MBD3L1: variants seen among roughly 807,000 people sequenced by gnomAD.
The protein encoded by MBD3L1 is methyl-CpG-binding domain protein 3-like 1.
For synonymous variants in MBD3L1, 84 were observed against 85.1 expected, an observed-to-expected ratio of 0.99 and a Z score of 0.07; for missense variants, 203 against 230.1, an observed-to-expected ratio of 0.88 and a Z score of 0.76.
chr19:8,839,185 C>CTTTTTTTTTTTTT (rs57499698), intron 1 of MBD3L1, among the ~76,000 whole-genome samples: 2 of 122,128 alleles, frequency 1.6e-5, no homozygotes, highest in Non-Finnish European at 3.2e-5. Context: ...CTTTTCTTTT[C>CTTTTTTTTTTTTT]TTTTTTTTTT....
chr19:8,843,194 G>GA lies in MBD3L1; in HGVS notation c.517dup (p.Ile173AsnfsTer7). 6.2e-7 allele frequency: 1 copy of GA among 1,613,026 alleles called. No individual in the cohort carries two copies. The highest frequency in any genetic ancestry group is 8.5e-7 in the Non-Finnish European group (1 of 1,179,580). ...TCAGAGAGAGACTCGCAATAGCACT[G>GA]ATTGCGGATGGACTCGCTAATGAGG... On this transcript the variant is annotated frameshift_variant, in exon 3 of 3. Coordinates refer to ENST00000595891, the MANE Select transcript of MBD3L1 (RefSeq NM_001393532.1). LOFTEE classifies it low-confidence loss of function (END_TRUNC).
intron 2 of MBD3L1, among the ~76,000 whole-genome samples, chr19:8,842,055 C>G (rs1316974422): frequency 1.3e-5 from 2 of 151,576 alleles, no homozygotes; most frequent in Non-Finnish European, 2.9e-5. Context: ...GGGCTGGGCA[C>G]GGTCGCCCAT....
At chr19:8,834,378 G>A (rs1355813791) in intron 1 of MBD3L1, among the ~76,000 whole-genome samples, 2 of 152,138 alleles carry the variant, frequency 1.3e-5, no homozygotes, top group Non-Finnish European at 2.9e-5. Flanking sequence ...GGGAGGCTGA[G>A]GCAGGCAGAT....
intron 1 of MBD3L1, among the ~76,000 whole-genome samples, chr19:8,836,684 G>T (rs2044459513): frequency 6.6e-6 from 1 of 152,044 alleles, no homozygotes; most frequent in African/African-American, 2.4e-5. Flanking sequence ...TAGAGACAGG[G>T]ACTCGCCACA....
rs781297313 is a variant in MBD3L1 at position 8,842,752 on chromosome 19, C to G, written c.74C>G (p.Ser25Ter). Residue 25 changes from serine (S) to a stop codon, truncating the protein, a stop_gained, in exon 3 of 3, where the codon TCA becomes TGA. Coordinates refer to ENST00000595891, the MANE Select transcript of MBD3L1 (RefSeq NM_001393532.1). LOFTEE classifies it low-confidence loss of function (END_TRUNC). ...AAATCAAAGCCTGGCTTGAGCACCT[C>G]AATCCCTTTGAGAATGTCCAGTTAC... ...QCKSKPGLST[S>*]IPLRMSSYTF... 1 of 1,614,214 alleles carries G rather than the reference C, an allele frequency of 6.2e-7. No individual in the cohort carries two copies. Among genetic ancestry groups the G allele is most frequent in the South Asian group, 1.1e-5 (1 of 91,078 alleles).
chr19:8,838,301 T>TCACCTTC (rs2044476778), intron 1 of MBD3L1, among the ~76,000 whole-genome samples: 1 of 114,774 alleles, frequency 8.7e-6, no homozygotes, highest in Non-Finnish European at 1.8e-5. Context: ...AGCCCCACTA[T>TCACCTTC]CACCTTCCTC....
At chr19:8,834,615 AAC>A (rs1240457205) in intron 1 of MBD3L1, among the ~76,000 whole-genome samples, 8 of 150,658 alleles carry the variant, frequency 5.3e-5, no homozygotes, top group Non-Finnish European at 7.4e-5. Flanking sequence ...AAAAAAAAAA[AAC>A]AAACCAAAAC....
intron 1 of MBD3L1, among the ~76,000 whole-genome samples, chr19:8,835,348 A>G (rs934513460): frequency 1.2e-4 from 19 of 152,288 alleles, no homozygotes; most frequent in African/African-American, 4.3e-4. Flanking sequence ...CACTGCACCC[A>G]GCCTGAAAAA....
At position 8,840,206 on chromosome 19, in the gene MBD3L1, C is replaced by A. The variant is rs924261029; in HGVS notation, c.-106-709C>A. On this transcript the variant is annotated intron_variant, in intron 1 of 2. Transcript: ENST00000595891. ...CTCAAAAAAAAAAAAAAAACAAAAA[C>A]AGATGATACAAAGGTTACATTGCAA... 8.9e-4 allele frequency among the ~76,000 whole-genome samples: 130 copies of A among 145,750 alleles called. 3 individuals carry two copies. In the East Asian group the frequency reaches 0.013, roughly 14 times the overall value.
intron 1 of MBD3L1, among the ~76,000 whole-genome samples, chr19:8,839,980 G>A (rs903423452): frequency 6.6e-6 from 1 of 152,070 alleles, no homozygotes; most frequent in African/African-American, 2.4e-5. Context: ...TCAGGAGTTC[G>A]AGGCCACTCT....
At position 8,836,469 on chromosome 19, in the gene MBD3L1, C is replaced by T. The variant is rs1036199264; in HGVS notation, c.-107+3947C>T. 2.7e-5 allele frequency among the ~76,000 whole-genome samples: 4 copies of T among 150,480 alleles called. No homozygotes were observed. In the Admixed American group the frequency reaches 2.7e-4, roughly 10 times the overall value. ...TCTCTTCCTTTTCCTCCTCCTCCCC[C>T]CCTCTCCTCCTCCTTCTTTCTTCTT... On this transcript the variant is annotated intron_variant, in intron 1 of 2. Coordinates refer to ENST00000595891, the MANE Select transcript of MBD3L1 (RefSeq NM_001393532.1).
At chr19:8,833,763 C>T (rs1219863147) in intron 1 of MBD3L1, among the ~76,000 whole-genome samples, 2 of 152,126 alleles carry the variant, frequency 1.3e-5, no homozygotes, top group Admixed American at 1.3e-4. Context: ...CCGAGGCAGG[C>T]AGATCACCTG....
intron 1 of MBD3L1, chr19:8,833,684 T>G (rs2044415656): frequency 6.6e-6 from 1 of 152,240 alleles, no homozygotes; most frequent in Admixed American, 6.6e-5. Flanking sequence ...GGTGGGTTGG[T>G]GCGTTAGATA....
chr19:8,834,501 G>A (rs1269110162), intron 1 of MBD3L1, among the ~76,000 whole-genome samples: 7 of 151,636 alleles, frequency 4.6e-5, no homozygotes, highest in Non-Finnish European at 1.0e-4. Flanking sequence ...CCAGCTACTC[G>A]GGAGACTGAG....
intron 1 of MBD3L1, among the ~76,000 whole-genome samples, chr19:8,835,483 A>G (rs1261824986): frequency 3.9e-5 from 6 of 152,202 alleles, no homozygotes; most frequent in Admixed American, 6.5e-5. Context: ...ATAAAATACT[A>G]CTTCACACCC....
chr19:8,841,347 T>C (rs1349535461), intron 2 of MBD3L1, among the ~76,000 whole-genome samples: 5 of 151,850 alleles, frequency 3.3e-5, no homozygotes, highest in Non-Finnish European at 7.4e-5. Flanking sequence ...AGGGAAATAT[T>C]GAGGTCGCAG....
At chr19:8,841,535 A>G (rs537971259) in intron 2 of MBD3L1, among the ~76,000 whole-genome samples, 1 of 152,266 alleles carries the variant, frequency 6.6e-6, no homozygotes, top group South Asian at 2.1e-4. Flanking sequence ...AGAAATTTAT[A>G]GTGGGTGAAT....
Position 8,840,951 on chromosome 19 carries a change from A to G in MBD3L1, c.-70A>G, listed in dbSNP as rs1238427614. On this transcript the variant is annotated 5_prime_UTR_variant, in exon 2 of 3. Coordinates refer to ENST00000595891, the MANE Select transcript of MBD3L1 (RefSeq NM_001393532.1). Reference sequence around the variant, plus strand: ...CGGTGGTAGCCATGGCGTCACAGAGAACAGGGACCTTCCAAGTTTGAAGTT... The same window carrying G: ...CGGTGGTAGCCATGGCGTCACAGAGGACAGGGACCTTCCAAGTTTGAAGTT... 1 of 152,086 alleles carries G rather than the reference A, an allele frequency of 6.6e-6. No individual in the cohort carries two copies. The highest frequency in any genetic ancestry group is 1.5e-5 in the Non-Finnish European group (1 of 68,030). 9.4% of individuals were successfully genotyped at this position (152,086 alleles called of 1,614,324 possible). A position where few individuals can be genotyped will look rare whatever the true frequency, so the allele number is the denominator to read the frequency against.
At chr19:8,840,713 G>C (rs920891775) in intron 1 of MBD3L1, among the ~76,000 whole-genome samples, 6 of 152,190 alleles carry the variant, frequency 3.9e-5, no homozygotes, top group Non-Finnish European at 1.5e-5. Flanking sequence ...GGTAAGTTAA[G>C]GAGAATTAAA....
Sources: allele counts gnomAD v4.1 joint callset (sites outside exome capture counted in the v4.1 genomes callset), GRCh38; gene constraint gnomAD v4.1.1; transcripts MANE v1.5; gene names NCBI Gene and HGNC (gene_info 2026-07-23, HGNC 2026-07-21).